PPP2R3C: variants seen among roughly 807,000 people sequenced by gnomAD.
The protein encoded by PPP2R3C is serine/threonine-protein phosphatase 2A regulatory subunit B'' subunit gamma.
PPP2R3C carries 47 observed loss-of-function variants against 63.7 expected under a neutral mutation model. That is an observed-to-expected ratio of 0.74 (90% confidence interval 0.58 to 0.94). The LOEUF (loss-of-function observed/expected upper bound fraction) is 0.94. PPP2R3C is among the 40% of genes least tolerant of loss of function. PPP2R3C has a pLI of 0.00. For missense variants in PPP2R3C, 421 were observed against 518.4 expected (o/e 0.81, Z 1.82); for synonymous variants, 180 against 177.4 (o/e 1.01, Z -0.12).
At chr14:35,090,337 G>A (rs376610986) in intron 11 of PPP2R3C, among the ~76,000 whole-genome samples, 2 of 150,074 alleles carry the variant, frequency 1.3e-5, no homozygotes, top group South Asian at 4.2e-4. Flanking sequence ...CGCCTCCTGG[G>A]TTCAAGTGAT....
At chr14:35,092,474 T>A (rs574758444) in intron 10 of PPP2R3C, among the ~76,000 whole-genome samples, 1 of 150,820 alleles carries the variant, frequency 6.6e-6, no homozygotes, top group African/African-American at 2.4e-5. Flanking sequence ...AACAGTATAA[T>A]TTTTTTTTTG....
At chr14:35,091,969 C>A (rs527322873) in intron 10 of PPP2R3C, among the ~76,000 whole-genome samples, 1 of 152,342 alleles carries the variant, frequency 6.6e-6, no homozygotes, top group South Asian at 2.1e-4. Context: ...ACCCGCCTGC[C>A]CCGGCCTCCC....
intron 7 of PPP2R3C, among the ~76,000 whole-genome samples, chr14:35,098,342 G>A (rs1386216956): frequency 8.0e-6 from 1 of 124,650 alleles, no homozygotes; most frequent in African/African-American, 2.8e-5. Flanking sequence ...ACTACGCCTG[G>A]CTAGTTTTTT....
chr14:35,096,599 T>C lies in PPP2R3C; in HGVS notation c.797A>G (p.Glu266Gly), dbSNP rs761065229. The change falls in exon 9 of 13, where the codon GAA becomes GGA. Residue 266 changes from glutamate (E) to glycine (G), a missense_variant. Coordinates refer to ENST00000261475, the MANE Select transcript of PPP2R3C (RefSeq NM_017917.4). Reference sequence around the variant, plus strand: ...AGAAGGAGCAGAAAACCAATTTGTTTCTTGACTCTCCTTGGACAGTTCCTC... The same window carrying C: ...AGAAGGAGCAGAAAACCAATTTGTTCCTTGACTCTCCTTGGACAGTTCCTC... The part of the protein sequence containing the change: ...RDEELSKESQ[E>G]TNWFSAPSAL... 1 of 1,613,894 alleles carries C rather than the reference T, an allele frequency of 6.2e-7. No individual in the cohort carries two copies. The highest frequency in any genetic ancestry group is 8.5e-7 in the Non-Finnish European group (1 of 1,179,890).
chr14:35,100,994 G>A (rs2046169332), intron 6 of PPP2R3C: 3 of 150,460 alleles, frequency 2.0e-5, no homozygotes, highest in East Asian at 2.0e-4. Flanking sequence ...CTTTTTTTTC[G>A]AGATGGACTC....
At chr14:35,100,097 C>T (rs1354787451) in intron 6 of PPP2R3C, 2 of 152,026 alleles carry the variant, frequency 1.3e-5, no homozygotes, top group African/African-American at 2.4e-5. Context: ...TTTGTCATTC[C>T]GTAATATATT....
intron 9 of PPP2R3C, among the ~76,000 whole-genome samples, chr14:35,095,795 G>A (rs1233586484): frequency 3.5e-5 from 5 of 144,004 alleles, no homozygotes; most frequent in Non-Finnish European, 7.5e-5. Flanking sequence ...AGGTTGCAGT[G>A]AGCCGAGATC....
intron 11 of PPP2R3C, among the ~76,000 whole-genome samples, chr14:35,089,369 G>T (rs1445260743): frequency 1.3e-5 from 2 of 151,942 alleles, no homozygotes; most frequent in African/African-American, 4.8e-5. Context: ...CTCCCAACGT[G>T]CTGGGATTAG....
chr14:35,108,022 A>G (rs561122032), intron 5 of PPP2R3C, 117 bp downstream of exon 5: 197 of 1,389,912 alleles, frequency 1.4e-4, no homozygotes, highest in Middle Eastern at 2.1e-4. Flanking sequence ...AAAAGATAAG[A>G]AATTCTACTA....
chr14:35,103,903 A>G (rs560582732), intron 6 of PPP2R3C, among the ~76,000 whole-genome samples: 2 of 152,312 alleles, frequency 1.3e-5, no homozygotes, highest in South Asian at 4.1e-4. Context: ...TCAAAAGGCA[A>G]TGGGCCAAGG....
chr14:35,109,962 T>A, intron 3 of PPP2R3C, 31 bp from the exon 4 acceptor site: 1 of 1,484,614 alleles, frequency 6.7e-7, no homozygotes, highest in Middle Eastern at 1.7e-4. Flanking sequence ...GAAGATGTTG[T>A]AAGTTAAAAA....
At chr14:35,094,922 C>G (rs2045945663) in intron 10 of PPP2R3C, 126 bp downstream of exon 10, 1 of 1,039,844 alleles carries the variant, frequency 9.6e-7, no homozygotes, top group Non-Finnish European at 1.4e-6. Context: ...CCACTGCACT[C>G]TAGCCTAGGC....
chr14:35,114,180 A>T (rs1275809903), intron 2 of PPP2R3C, among the ~76,000 whole-genome samples: 1 of 152,186 alleles, frequency 6.6e-6, no homozygotes, highest in African/African-American at 2.4e-5. Flanking sequence ...AATCCCATTT[A>T]AAAAAATACA....
intron 6 of PPP2R3C, chr14:35,102,722 C>CAT (rs2138661863): frequency 6.6e-6 from 1 of 152,290 alleles, no homozygotes; most frequent in African/African-American, 2.4e-5. Flanking sequence ...CTCACCTGGA[C>CAT]TATCATGGTA....
rs1049698749 is a variant in PPP2R3C at position 35,110,701 on chromosome 14, T to A, written c.187-72A>T. 3.7e-5 allele frequency: 35 copies of A among 957,908 alleles called. 1 individual carries two copies. Among genetic ancestry groups the A allele is most frequent in the Non-Finnish European group, 4.6e-5 (29 of 623,962 alleles). 59.3% of individuals were successfully genotyped at this position (957,908 alleles called of 1,614,324 possible). A position where few individuals can be genotyped will look rare whatever the true frequency, so the allele number is the denominator to read the frequency against. The stretch of plus-strand genomic sequence containing the variant: ...ATCCTATAAAATGTATGTGGCCTCA[T>A]AAAATAACTGTATGCCACCGCCTCG... On this transcript the variant is annotated intron_variant, in intron 2 of 12. Transcript: ENST00000261475.
At chr14:35,098,997 C>G (rs1305966756) in intron 7 of PPP2R3C, 2 of 318,340 alleles carry the variant, frequency 6.3e-6, no homozygotes, top group Non-Finnish European at 1.1e-5. Context: ...TACTTCTTCA[C>G]TGTTAGGTGA....
Position 35,109,929 on chromosome 14 carries a change from GT to G in PPP2R3C, c.293del (p.Asn98ThrfsTer14). Reference sequence around the variant, plus strand: ...GGTGTTTGTCCAGCAAAAACCATAAGTTCTTAAGAGAATTGTGGAAGTGAAG... The same window carrying G: ...GGTGTTTGTCCAGCAAAAACCATAAGTCTTAAGAGAATTGTGGAAGTGAAG... ...RELLDNEELQNLWFLLDKHQT... is the reference protein window; with the variant it reads ...RELLDNEELQXLWFLLDKHQT... On this transcript the variant is annotated frameshift_variant and splice_region_variant, in exon 4 of 13. Transcript: ENST00000261475. LOFTEE classifies it high-confidence loss of function. 6.3e-7 allele frequency: 1 copy of G among 1,576,058 alleles called. No homozygotes were observed. The highest frequency in any genetic ancestry group is 1.1e-5 in the South Asian group (1 of 88,062).
intron 11 of PPP2R3C, among the ~76,000 whole-genome samples, chr14:35,090,627 T>C (rs1321128112): frequency 6.6e-6 from 1 of 152,224 alleles, no homozygotes; most frequent in Non-Finnish European, 1.5e-5. Context: ...AAGTAGATGC[T>C]GATTTTAGAT....
chr14:35,122,050 A>C, upstream of PPP2R3C: 1 of 1,399,694 alleles, frequency 7.1e-7, no homozygotes, highest in Non-Finnish European at 1.0e-6. Context: ...AGGCCCCGTA[A>C]AGGTTAGGAA....
Sources: allele counts gnomAD v4.1 joint callset (sites outside exome capture counted in the v4.1 genomes callset), GRCh38; gene constraint gnomAD v4.1.1; transcripts MANE v1.5; gene names NCBI Gene and HGNC (gene_info 2026-07-23, HGNC 2026-07-21).